MGAM: variants seen among roughly 807,000 people sequenced by gnomAD.
MGAM encodes the protein alpha-1,4-glucosidase.
A neutral mutation model predicts 358.8 loss-of-function variants in MGAM; 253 were observed. The observed-to-expected ratio is 0.71, with a 90% CI of 0.64 to 0.78. The LOEUF is 0.78. MGAM is among the 30% of genes least tolerant of loss of function. The pLI is 0.00. For synonymous variants in MGAM, 1,105 were observed against 1,227.1 expected, an observed-to-expected ratio of 0.90 and a Z score of 2.08; for missense variants, 3,080 against 3,432.6, an observed-to-expected ratio of 0.90 and a Z score of 2.57.
intron 21 of MGAM, among the ~76,000 whole-genome samples, chr7:142,045,837 A>ATT: frequency 8.2e-6 from 1 of 122,018 alleles, no homozygotes; most frequent in East Asian, 2.3e-4. Context: ...TATTATATAT[A>ATT]CATACAATAT....
chr7:142,067,987 T>TATATAAATATATATATATATATATA (rs1491516915), intron 42 of MGAM, among the ~76,000 whole-genome samples: 1 of 6,694 alleles, frequency 1.5e-4, no homozygotes, highest in East Asian at 9.3e-3. Flanking sequence ...TATATATATA[T>TATATAAATATATATATATATATATA]TTTTTTTTTT....
At position 142,020,755 on chromosome 7, in the gene MGAM, G is replaced by A. The variant is rs562114630; in HGVS notation, c.449-219G>A. 4.6e-5 allele frequency among the ~76,000 whole-genome samples: 7 copies of A among 151,632 alleles called. No homozygotes were observed. The East Asian group carries it at 7.8e-4, about 17-fold the overall frequency. On this transcript the variant is annotated intron_variant, in intron 4 of 70. Coordinates refer to ENST00000475668, the MANE Select transcript of MGAM (RefSeq NM_001365693.1). ...ATTACAGGCATGCACCACCATACCCGGCTAATTTTTGTATTTTTAGTAGAG... is the reference window on the plus strand; with the variant it reads ...ATTACAGGCATGCACCACCATACCCAGCTAATTTTTGTATTTTTAGTAGAG...
At chr7:142,019,809 C>T (rs186710997) in intron 4 of MGAM, among the ~76,000 whole-genome samples, 50 of 152,276 alleles carry the variant, frequency 3.3e-4, no homozygotes, top group Admixed American at 1.4e-3. Context: ...TGGCTCATGC[C>T]TGTAATCACA....
intron 3 of MGAM, among the ~76,000 whole-genome samples, chr7:142,017,672 C>T (rs1196967470): frequency 6.6e-6 from 1 of 152,032 alleles, no homozygotes; most frequent in Admixed American, 6.6e-5. Context: ...AAGACAAAAC[C>T]GTGGATTGAG....
In MGAM at chr7:142,038,910, C is replaced by T. The variant is rs554464866; in HGVS notation, c.2316+295C>T. Among the ~76,000 whole-genome samples, 4 of 152,178 alleles carry T rather than the reference C, an allele frequency of 2.6e-5. No individual in the cohort carries two copies. The South Asian group carries it at 8.3e-4, about 32-fold the overall frequency. ...CATTGCTATACAGAAATTCCTGACA[C>T]TGAGTGATTTACAAAGAAAAGAGAT... On this transcript the variant is annotated intron_variant, in intron 19 of 70. Transcript: ENST00000475668.
In MGAM at chr7:142,090,578, T is replaced by TC. The variant is rs1245171811; in HGVS notation, c.6811-1333dup. 2.1e-5 allele frequency among the ~76,000 whole-genome samples: 3 copies of TC among 146,098 alleles called. 1 individual carries two copies. Among genetic ancestry groups the TC allele is most frequent in the Non-Finnish European group, 4.6e-5 (3 of 64,550 alleles). ...CTGGTCTGTTTCTGTTTTCTCATGT[T>TC]CCTTTTCTTGCCCTTTATGTAGACA... On this transcript the variant is annotated intron_variant, in intron 57 of 70. Coordinates refer to ENST00000475668, the MANE Select transcript of MGAM (RefSeq NM_001365693.1).
At chr7:142,063,405 A>G in intron 35 of MGAM, 94 bp from the exon 36 acceptor site, 1 of 1,429,872 alleles carries the variant, frequency 7.0e-7, no homozygotes, top group Non-Finnish European at 9.6e-7. Context: ...AGATTACTGG[A>G]TGTTGAACAA....
intron 56 of MGAM, 30 bp downstream of exon 56, chr7:142,086,358 C>A: frequency 6.8e-7 from 1 of 1,469,144 alleles, no homozygotes; most frequent in Non-Finnish European, 9.3e-7. Context: ...TCCAGTAGTC[C>A]CTAGCCTGAG....
At chr7:142,011,225 C>T (rs1805566890) in intron 3 of MGAM, among the ~76,000 whole-genome samples, 1 of 152,132 alleles carries the variant, frequency 6.6e-6, no homozygotes. Context: ...TCATCTTTTA[C>T]AGCGAACACA....
chr7:141,990,004 A>G (rs1454719418), intron 2 of MGAM, among the ~76,000 whole-genome samples: 7 of 152,160 alleles, frequency 4.6e-5, no homozygotes, highest in Admixed American at 3.9e-4. Flanking sequence ...ACTGGGCCTC[A>G]TCTGTCACTT....
intron 7 of MGAM, among the ~76,000 whole-genome samples, chr7:142,023,450 C>G (rs1314661581): frequency 3.3e-5 from 5 of 150,540 alleles, no homozygotes; most frequent in Non-Finnish European, 7.4e-5. Context: ...TATATATACA[C>G]ACACACACAC....
chr7:141,988,304 AC>A (rs1803797760), intron 2 of MGAM, among the ~76,000 whole-genome samples: 1 of 152,086 alleles, frequency 6.6e-6, no homozygotes, highest in South Asian at 2.1e-4. Flanking sequence ...TTAAAAAAAA[AC>A]AAAAATATTT....
intron 12 of MGAM, among the ~76,000 whole-genome samples, chr7:142,031,290 A>G (rs1468777973): frequency 6.6e-6 from 1 of 152,122 alleles, no homozygotes; most frequent in Admixed American, 6.6e-5. Flanking sequence ...GGGAAATTGG[A>G]TAGGAAAGAA....
chr7:142,048,280 G>C (rs138621230), intron 22 of MGAM, among the ~76,000 whole-genome samples: 2 of 151,378 alleles, frequency 1.3e-5, no homozygotes, highest in Admixed American at 6.6e-5. Context: ...AGCCTCCCGC[G>C]TAGGACTACA....
At chr7:141,993,587 A>G (rs1804035454), upstream of MGAM, among the ~76,000 whole-genome samples, 1 of 152,222 alleles carries the variant, frequency 6.6e-6, no homozygotes, top group African/African-American at 2.4e-5. Flanking sequence ...TTAGTAACAG[A>G]GCAAAGTTCT....
intron 1 of MGAM, among the ~76,000 whole-genome samples, chr7:141,999,479 G>A (rs910514822): frequency 1.1e-4 from 16 of 152,264 alleles, no homozygotes; most frequent in Admixed American, 2.0e-4. Flanking sequence ...CTTATCAGCT[G>A]TATGATGACA....
Position 142,094,297 on chromosome 7 carries a change from G to T in MGAM, c.7173-67G>T. 2 of 1,470,288 alleles carry T rather than the reference G, an allele frequency of 1.4e-6. 1 individual carries two copies. Among genetic ancestry groups the T allele is most frequent in the Non-Finnish European group, 1.8e-6 (2 of 1,082,744 alleles). 91.1% of individuals were successfully genotyped at this position (1,470,288 alleles called of 1,614,324 possible). On this transcript the variant is annotated intron_variant, in intron 60 of 70. Transcript: ENST00000475668. ...TTGACTAGGCTCAAGGGCTCTGGGA[G>T]CAGATGCTCTATGGCCTTTGCTTCC...
chr7:141,997,230 A>G (rs565431492), intron 1 of MGAM, among the ~76,000 whole-genome samples: 47 of 151,730 alleles, frequency 3.1e-4, no homozygotes, highest in African/African-American at 1.1e-3. Flanking sequence ...GGCGAGGAAG[A>G]CCTCCCAATG....
chr7:142,064,479 G>T lies in MGAM; in HGVS notation c.4441G>T (p.Val1481Leu), dbSNP rs778789236. 2 of 1,585,872 alleles carry T rather than the reference G, an allele frequency of 1.3e-6. No individual in the cohort carries two copies. The highest frequency in any genetic ancestry group is 1.7e-6 in the Non-Finnish European group (2 of 1,166,014). Residue 1481 changes from valine to leucine, a missense_variant, in exon 37 of 71, where the codon GTG (valine) becomes TTG (leucine). Physicochemically the swap from Val to Leu is conservative, Grantham distance 32. Around this residue, in one of 5 missense-constraint regions of MGAM, gnomAD observed 1,816 missense variants for 1,840.5 expected, o/e 0.99. Coordinates refer to ENST00000475668, the MANE Select transcript of MGAM (RefSeq NM_001365693.1). Reference sequence around the variant, plus strand: ...CGGCTCCCTGGTGCAGCACTACAACGTGCACAACCTGTATGGGTGGTCCCA... The same window carrying T: ...CGGCTCCCTGGTGCAGCACTACAACTTGCACAACCTGTATGGGTGGTCCCA... ...PDGSLVQHYNVHNLYGWSQTR... is the reference protein window; with the variant it reads ...PDGSLVQHYNLHNLYGWSQTR...
Sources: gnomAD v4.1 joint callset for allele counts (sites outside exome capture counted in the v4.1 genomes callset) on GRCh38, gnomAD v4.1.1 for gene constraint, gnomAD v4.1.1 regional missense constraint, MANE v1.5 for transcripts, NCBI Gene and HGNC (gene_info 2026-07-23, HGNC 2026-07-21) for gene names.